PKNOX2: variants seen among roughly 807,000 people sequenced by gnomAD.
PKNOX2 encodes homeobox protein PKNOX2.
Under a neutral mutation model 53.1 loss-of-function variants are expected in PKNOX2, and 14 were observed. That is an observed-to-expected ratio of 0.26 (90% confidence interval 0.17 to 0.41). The LOEUF (loss-of-function observed/expected upper bound fraction) is 0.41. Among genes scored for constraint, PKNOX2 ranks in the 10% least tolerant of loss-of-function variants. PKNOX2 has a pLI of 1.00. For missense variants in PKNOX2, 496 were observed against 602.8 expected, an observed-to-expected ratio of 0.82 and a Z score of 1.85; for synonymous variants, 257 against 242.8, an observed-to-expected ratio of 1.06 and a Z score of -0.54.
At chr11:125,291,936 A>G (rs1006781578) in intron 2 of PKNOX2, among the ~76,000 whole-genome samples, 1 of 152,198 alleles carries the variant, frequency 6.6e-6, no homozygotes, top group Non-Finnish European at 1.5e-5. Flanking sequence ...TTATTGATTT[A>G]AAGGGTGCAG....
chr11:125,320,434 TG>T (rs2136058565), intron 2 of PKNOX2, among the ~76,000 whole-genome samples: 2 of 152,190 alleles, frequency 1.3e-5, no homozygotes, highest in African/African-American at 4.8e-5. Context: ...ATGAATGGGC[TG>T]GGCTTGGAGG....
At position 125,431,616 on chromosome 11, in the gene PKNOX2, CTGTT is replaced by C. The variant is rs1956707035; in HGVS notation, c.*227_*230del. 5.2e-6 allele frequency: 3 copies of C among 573,330 alleles called. No individual in the cohort carries two copies. The highest frequency in any genetic ancestry group is 6.1e-6 in the Non-Finnish European group (2 of 325,208). The allele number at this position is 573,330 out of a possible 1,614,324, so 35.5% of individuals were successfully genotyped here. On this transcript the variant is annotated 3_prime_UTR_variant, in exon 13 of 13. Coordinates refer to ENST00000298282, the MANE Select transcript of PKNOX2 (RefSeq NM_001382323.2). The stretch of plus-strand genomic sequence containing the variant: ...CACTTCCCTGGAACTGCCGAGGACT[CTGTT>C]TGGCGGGGCCAGTCGAGCAGCCTGT...
At chr11:125,371,026 G>A (rs1251972909) in intron 5 of PKNOX2, among the ~76,000 whole-genome samples, 2 of 152,152 alleles carry the variant, frequency 1.3e-5, no homozygotes, top group African/African-American at 4.8e-5. Flanking sequence ...GCCTGCCAGT[G>A]CCCGGGAGGT....
chr11:125,326,536 G>A (rs151146377), intron 2 of PKNOX2, among the ~76,000 whole-genome samples: 173 of 152,324 alleles, frequency 1.1e-3, no homozygotes, highest in African/African-American at 3.9e-3. Flanking sequence ...GTAGACTTTT[G>A]AGCAGAGGAG....
rs1036805588 is a variant in PKNOX2, at chr11:125,208,695, A to C, written c.-200-26350A>C. Among the ~76,000 whole-genome samples, 11 of 152,172 alleles carry C rather than the reference A, an allele frequency of 7.2e-5. 1 individual carries two copies. Among genetic ancestry groups the C allele is most frequent in the African/African-American group, 2.6e-4 (11 of 41,532 alleles). On this transcript the variant is annotated intron_variant, in intron 1 of 12. Coordinates refer to ENST00000298282, the MANE Select transcript of PKNOX2 (RefSeq NM_001382323.2). Reference sequence around the variant, plus strand: ...GTTTTCAGGTTAAGGTGAGAGGTAGAAGAGAGTTTGAATGGTCATGAGGGA... The same window carrying C: ...GTTTTCAGGTTAAGGTGAGAGGTAGCAGAGAGTTTGAATGGTCATGAGGGA...
chr11:125,279,350 G>T (rs1946396454), intron 2 of PKNOX2, among the ~76,000 whole-genome samples: 1 of 152,322 alleles, frequency 6.6e-6, no homozygotes, highest in African/African-American at 2.4e-5. Context: ...CTTCCATGAA[G>T]CTCAAAACCT....
chr11:125,224,700 G>C (rs886204069), intron 1 of PKNOX2, among the ~76,000 whole-genome samples: 4 of 152,170 alleles, frequency 2.6e-5, no homozygotes, highest in African/African-American at 9.7e-5. Context: ...CACCAGCCGC[G>C]GCTGCCTTCT....
At chr11:125,190,498 C>A (rs1323154010) in intron 1 of PKNOX2, among the ~76,000 whole-genome samples, 1 of 152,210 alleles carries the variant, frequency 6.6e-6, no homozygotes, top group East Asian at 1.9e-4. Context: ...GCTGCTCACC[C>A]TCTTGGTTCC....
At chr11:125,320,519 A>G (rs1949460009) in intron 2 of PKNOX2, among the ~76,000 whole-genome samples, 1 of 152,072 alleles carries the variant, frequency 6.6e-6, no homozygotes, top group African/African-American at 2.4e-5. Context: ...AGGTACTGAA[A>G]TGCCCTGTCA....
intron 5 of PKNOX2, among the ~76,000 whole-genome samples, chr11:125,375,060 T>C (rs1952760241): frequency 6.6e-6 from 1 of 152,204 alleles, no homozygotes; most frequent in Non-Finnish European, 1.5e-5. Flanking sequence ...TAGTGCCACT[T>C]TCTGCTTTTC....
intron 2 of PKNOX2, among the ~76,000 whole-genome samples, chr11:125,271,592 AGAG>A (rs1945795351): frequency 1.3e-5 from 2 of 152,208 alleles, no homozygotes; most frequent in South Asian, 2.1e-4. Context: ...CTTGGTTTTC[AGAG>A]GAGTCTCAGT....
At chr11:125,261,714 C>G (rs1039864173) in intron 2 of PKNOX2, among the ~76,000 whole-genome samples, 1 of 152,194 alleles carries the variant, frequency 6.6e-6, no homozygotes, top group African/African-American at 2.4e-5. Flanking sequence ...ACCAGCTGGT[C>G]TTGCTCAAAA....
chr11:125,351,854 C>G (rs1002964659), intron 4 of PKNOX2, among the ~76,000 whole-genome samples: 1 of 152,168 alleles, frequency 6.6e-6, no homozygotes, highest in African/African-American at 2.4e-5. Flanking sequence ...CCTCTGCCTG[C>G]CTGTCGGGAG....
chr11:125,264,350 G>T (rs2043697457), intron 2 of PKNOX2, among the ~76,000 whole-genome samples: 1 of 152,224 alleles, frequency 6.6e-6, no homozygotes, highest in Non-Finnish European at 1.5e-5. Context: ...AGATCCCTTG[G>T]AATGCAGCTC....
intron 2 of PKNOX2, among the ~76,000 whole-genome samples, chr11:125,329,304 A>T (rs141429432): frequency 6.6e-6 from 1 of 152,232 alleles, no homozygotes; most frequent in Non-Finnish European, 1.5e-5. Context: ...ACTGTAGCTT[A>T]TATTTGTATT....
Position 125,291,323 on chromosome 11 carries a change from G to C in PKNOX2, c.-129-40496G>C, listed in dbSNP as rs142538341. Among the ~76,000 whole-genome samples, 14 of 152,242 alleles carry C rather than the reference G, an allele frequency of 9.2e-5. No homozygotes were observed. In the East Asian group the frequency reaches 2.5e-3, roughly 27 times the overall value. On this transcript the variant is annotated intron_variant, in intron 2 of 12. Transcript: ENST00000298282. ...GTGGTATGGAAAGCCAGTCCCACTA[G>C]ACTTTATTCTAATACTCCTCAGCTT...
intron 10 of PKNOX2, among the ~76,000 whole-genome samples, chr11:125,415,848 A>T (rs1955842630): frequency 6.6e-6 from 1 of 152,236 alleles, no homozygotes; most frequent in Non-Finnish European, 1.5e-5. Flanking sequence ...AAAAAGAAAC[A>T]ACCATTCAAA....
At position 125,217,968 on chromosome 11, in the gene PKNOX2, G is replaced by A. The variant is rs535200501; in HGVS notation, c.-200-17077G>A. On this transcript the variant is annotated intron_variant, in intron 1 of 12. Coordinates refer to ENST00000298282, the MANE Select transcript of PKNOX2 (RefSeq NM_001382323.2). ...GTTGCACTGGATGATTTGCTGTAGC[G>A]CTGGGGACCCTGGCATGAGCCCATG... Among the ~76,000 whole-genome samples, 14 of 152,278 alleles carry A rather than the reference G, an allele frequency of 9.2e-5. 1 individual carries two copies. The highest frequency in any genetic ancestry group is 8.5e-4 in the Admixed American group (13 of 15,294).
chr11:125,351,405 G>A lies in PKNOX2; in HGVS notation c.87+13G>A. ...GGACAGCCCACAGGTGAGTGCGCAG[G>A]GGCCGCTGCCTCCCACCACGGGGGA... On this transcript the variant is annotated intron_variant, in intron 4 of 12. Transcript: ENST00000298282. 6.4e-7 allele frequency: 1 copy of A among 1,566,218 alleles called. No individual in the cohort carries two copies. Among genetic ancestry groups the A allele is most frequent in the Non-Finnish European group, 8.8e-7 (1 of 1,140,408 alleles).
Sources: allele counts gnomAD v4.1 joint callset (sites outside exome capture counted in the v4.1 genomes callset), GRCh38; gene constraint gnomAD v4.1.1; transcripts MANE v1.5; gene names NCBI Gene and HGNC (gene_info 2026-07-23, HGNC 2026-07-21).